EWSR1: variants seen among roughly 807,000 people sequenced by gnomAD.
EWSR1 encodes the protein EWS RNA binding protein 1.
In EWSR1, 14 loss-of-function variants were observed where a neutral mutation model predicts 92.1. That is an observed-to-expected ratio of 0.15 (90% CI 0.10 to 0.24). EWSR1 has a LOEUF of 0.24. Ranked by LOEUF, EWSR1 falls within the 10% of genes least tolerant of loss-of-function variation. EWSR1 has a pLI of 1.00. For synonymous variants in EWSR1, 303 were observed against 292.9 expected (o/e 1.03, Z -0.35); for missense variants, 637 against 870.9 (o/e 0.73, Z 3.38).
Position 29,296,264 on chromosome 22 carries a change from T to A in EWSR1, c.1190T>A (p.Met397Lys). ...VKMNKRTGQPMIHIYLDKETG... is the reference protein window; with the variant it reads ...VKMNKRTGQPKIHIYLDKETG... ...ATGAACAAGAGAACTGGGCAACCCA[T>A]GATCCACATCTACCTGGACAAGGAA... The change falls in exon 12 of 17, where the codon ATG becomes AAG. Residue 397 changes from methionine (M) to lysine (K), a missense_variant. This residue lies in a region of EWSR1 where 363 missense variants were observed against 447.8 expected (regional missense o/e 0.81). Transcript: ENST00000397938. The A allele has an allele frequency of 6.2e-7, 1 of 1,614,178 alleles. No individual in the cohort carries two copies.
Position 29,292,535 on chromosome 22 carries a change from G to A in EWSR1, c.1093G>A (p.Val365Ile). 6.2e-7 allele frequency: 1 copy of A among 1,613,990 alleles called. No homozygotes were observed. The highest frequency in any genetic ancestry group is 8.5e-7 in the Non-Finnish European group (1 of 1,179,948). ...DEDSDNSAIY[V>I]QGLNDSVTLD... ...AGACTCTGACAACAGTGCAATTTAT[G>A]TACAAGGATTAAATGACAGTGTGAC... Residue 365 changes from valine (V) to isoleucine (I), a missense_variant, in exon 11 of 17, where the codon GTA (valine) becomes ATA (isoleucine). By Grantham distance (29) the Val-to-Ile change is conservative (BLOSUM62 3). Coordinates refer to ENST00000397938, the MANE Select transcript of EWSR1 (RefSeq NM_005243.4).
chr22:29,275,493 A>G (rs566823724), intron 4 of EWSR1: 2 of 218,178 alleles, frequency 9.2e-6, no homozygotes, highest in East Asian at 6.8e-5. Flanking sequence ...TATAAAATTC[A>G]CAGTTTATAG....
chr22:29,270,925 G>C (rs1410251070), intron 1 of EWSR1, among the ~76,000 whole-genome samples: 1 of 152,136 alleles, frequency 6.6e-6, no homozygotes, highest in Non-Finnish European at 1.5e-5. Flanking sequence ...CAGTTGATTT[G>C]TTCCTCTTGG....
At chr22:29,270,123 C>T (rs2058550008) in intron 1 of EWSR1, among the ~76,000 whole-genome samples, 1 of 152,210 alleles carries the variant, frequency 6.6e-6, no homozygotes, top group Non-Finnish European at 1.5e-5. Flanking sequence ...CTGACTTCAG[C>T]TCAGGTACTG....
rs2059682819 is a variant in EWSR1 at position 29,282,479 on chromosome 22, G to C, written c.503G>C (p.Ser168Thr). The change falls in exon 6 of 17, where the codon AGT (serine) becomes ACT (threonine). Residue 168 changes from serine (S) to threonine (T), a missense_variant. Ser to Thr is a moderately conservative substitution (Grantham distance 58). Around this residue, in one of 5 missense-constraint regions of EWSR1, gnomAD observed 6 missense variants for 30.3 expected, o/e 0.20. Transcript: ENST00000397938. ...CAGCCCAGCCTAGGATATGGACAGA[G>C]TAACTACAGTTATCCCCAGGTACCT... Reference protein sequence around the residue: ...YNQPSLGYGQSNYSYPQVPGS... With the variant: ...YNQPSLGYGQTNYSYPQVPGS... The C allele has an allele frequency of 6.3e-7, 1 of 1,576,082 alleles. No individual in the cohort carries two copies. Among genetic ancestry groups the C allele is most frequent in the South Asian group, 1.2e-5 (1 of 83,612 alleles).
intron 3 of EWSR1, among the ~76,000 whole-genome samples, chr22:29,272,633 ACT>A (rs1416492013): frequency 2.0e-5 from 3 of 152,072 alleles, no homozygotes; most frequent in Non-Finnish European, 4.4e-5. Context: ...CTGATAATTG[ACT>A]CTTTATAACT....
At chr22:29,281,786 T>C (rs1446647160) in intron 5 of EWSR1, among the ~76,000 whole-genome samples, 3 of 151,640 alleles carry the variant, frequency 2.0e-5, no homozygotes, top group Admixed American at 2.0e-4. Context: ...AGGGTTTCAC[T>C]GTCTTAGCCA....
At chr22:29,281,366 ATC>A (rs1448229011) in intron 5 of EWSR1, among the ~76,000 whole-genome samples, 1 of 198 alleles carries the variant, frequency 5.1e-3, no homozygotes, top group Non-Finnish European at 0.011. Context: ...GGAGTACGCG[ATC>A]TAACAGCTCA....
chr22:29,285,055 G>T (rs572970113), intron 6 of EWSR1, among the ~76,000 whole-genome samples: 6 of 150,626 alleles, frequency 4.0e-5, no homozygotes, highest in Admixed American at 1.3e-4. Context: ...CTGACCTCAG[G>T]TGATCCACCC....
chr22:29,279,193 G>A (rs1464142071), intron 5 of EWSR1, among the ~76,000 whole-genome samples: 2 of 152,062 alleles, frequency 1.3e-5, no homozygotes, highest in African/African-American at 4.8e-5. Flanking sequence ...CTTTTGAATT[G>A]TACTTTTGAT....
At chr22:29,273,959 A>G (rs1367954698) in intron 4 of EWSR1, 95 bp downstream of exon 4, 8 of 1,480,512 alleles carry the variant, frequency 5.4e-6, no homozygotes, top group Non-Finnish European at 7.3e-6. Flanking sequence ...ATTCTGGTCC[A>G]TACCTTGGCA....
chr22:29,286,790 A>G, intron 6 of EWSR1, 133 bp from the exon 7 acceptor site: 1 of 576,994 alleles, frequency 1.7e-6, no homozygotes, highest in Non-Finnish European at 3.1e-6. Flanking sequence ...CAAATTGTTG[A>G]TGTGTAGAAA....
chr22:29,299,489 G>A (rs756423461), intron 15 of EWSR1, 110 bp from the exon 16 acceptor site: 11 of 1,491,982 alleles, frequency 7.4e-6, no homozygotes, highest in Non-Finnish European at 9.8e-6. Context: ...ATTGAGTGAA[G>A]TGTCTGGTTT....
At chr22:29,296,992 G>C (rs539190598) in intron 12 of EWSR1, among the ~76,000 whole-genome samples, 1 of 152,234 alleles carries the variant, frequency 6.6e-6, no homozygotes, top group Non-Finnish European at 1.5e-5. Flanking sequence ...TGAAGCTCCA[G>C]TGAGCTGAGA....
At chr22:29,278,946 G>C (rs1251809523) in intron 5 of EWSR1, among the ~76,000 whole-genome samples, 1 of 151,632 alleles carries the variant, frequency 6.6e-6, no homozygotes, top group East Asian at 1.9e-4. Context: ...AGTGAGCTAA[G>C]ATGGCACCAT....
chr22:29,269,209 AGG>A (rs979547773), intron 1 of EWSR1: 1 of 152,250 alleles, frequency 6.6e-6, no homozygotes, highest in African/African-American at 2.4e-5. Flanking sequence ...GAGGAACAAA[AGG>A]CCGAGCCTTC....
At chr22:29,283,226 A>C (rs1433878506) in intron 6 of EWSR1, among the ~76,000 whole-genome samples, 1 of 152,260 alleles carries the variant, frequency 6.6e-6, no homozygotes, top group Non-Finnish European at 1.5e-5. Context: ...AGTTAGGATA[A>C]GTAAAGCGCA....
chr22:29,284,509 G>T (rs1030212764), intron 6 of EWSR1, among the ~76,000 whole-genome samples: 1 of 151,274 alleles, frequency 6.6e-6, no homozygotes, highest in Non-Finnish European at 1.5e-5. Flanking sequence ...GAGCAGGTTC[G>T]TACCTATTGC....
In EWSR1 at chr22:29,297,878, C is replaced by T; in HGVS notation, c.1346C>T (p.Pro449Leu). ...AAAGTCTCCCTTGCTCGGAAGAAGC[C>T]TCCAATGAACAGTATGCGGGGTGGT... ...KLKVSLARKK[P>L]PMNSMRGGLP... Residue 449 changes from proline to leucine, a missense_variant, in exon 13 of 17, where the codon CCT becomes CTT. Pro to Leu is a moderately conservative substitution (Grantham distance 98). Transcript: ENST00000397938. 1.2e-6 allele frequency: 2 copies of T among 1,614,038 alleles called. No individual in the cohort carries two copies. Among genetic ancestry groups the T allele is most frequent in the Non-Finnish European group, 1.7e-6 (2 of 1,180,008 alleles).
Sources: allele counts gnomAD v4.1 joint callset (sites outside exome capture counted in the v4.1 genomes callset), GRCh38; gene constraint gnomAD v4.1.1; regional missense constraint gnomAD v4.1.1; transcripts MANE v1.5; gene names NCBI Gene and HGNC (gene_info 2026-07-23, HGNC 2026-07-21).